The following CACNA2D3 variants were observed in gnomAD, a reference collection of about 807,000 sequenced individuals.
CACNA2D3 encodes the protein voltage-dependent calcium channel subunit alpha-2/delta-3.
Under a neutral mutation model 160.6 loss-of-function variants are expected in CACNA2D3, and 60 were observed. The ratio of observed to expected loss-of-function variants is 0.37; its 90% CI spans 0.30 to 0.46. The LOEUF (loss-of-function observed/expected upper bound fraction) is 0.46. Ranked by LOEUF, CACNA2D3 falls within the 20% of genes least tolerant of loss-of-function variation. The probability of loss-of-function intolerance (pLI) is 1.00; values close to 1 mark genes in which losing one functional copy is unlikely to be tolerated. For synonymous variants in CACNA2D3, 558 were observed against 492.9 expected (o/e 1.13, Z -1.75); for missense variants, 1,205 against 1,365.0 (o/e 0.88, Z 1.85).
Position 54,493,225 on chromosome 3 carries a change from A to C in CACNA2D3, c.382-10267A>C, listed in dbSNP as rs1701145081. On this transcript the variant is annotated intron_variant, in intron 4 of 37. Coordinates refer to ENST00000474759, the MANE Select transcript of CACNA2D3 (RefSeq NM_018398.3). ...CCCGCATAGCTGGGACTACAGGCGCACACTACCACACCCGGCTAATTTTTG... is the reference window on the plus strand; with the variant it reads ...CCCGCATAGCTGGGACTACAGGCGCCCACTACCACACCCGGCTAATTTTTG... Among the ~76,000 whole-genome samples the C allele has an allele frequency of 3.3e-5, 5 of 151,728 alleles. No homozygotes were observed. In the South Asian group the frequency reaches 1.0e-3, roughly 32 times the overall value.
intron 11 of CACNA2D3, among the ~76,000 whole-genome samples, chr3:54,649,567 G>C (rs1699719314): frequency 2.0e-5 from 3 of 152,216 alleles, no homozygotes; most frequent in Admixed American, 2.0e-4. Context: ...TGCCAGCATG[G>C]TACAGTTCTT....
intron 4 of CACNA2D3, among the ~76,000 whole-genome samples, chr3:54,401,572 C>T (rs1699465531): frequency 6.6e-6 from 1 of 152,046 alleles, no homozygotes; most frequent in African/African-American, 2.4e-5. Flanking sequence ...AGAAACGTTG[C>T]AAGCCAGGAG....
At chr3:54,974,274 T>C (rs999759002) in intron 29 of CACNA2D3, among the ~76,000 whole-genome samples, 1 of 152,226 alleles carries the variant, frequency 6.6e-6, no homozygotes, top group Non-Finnish European at 1.5e-5. Flanking sequence ...TACTATGCAC[T>C]AGGTACTATG....
At position 54,149,883 on chromosome 3, in the gene CACNA2D3, GTCTCTCTCTCTCTCTCTC is replaced by G. The variant is rs554851240; in HGVS notation, c.204+26320_204+26337del. Among the ~76,000 whole-genome samples the G allele has an allele frequency of 1.4e-3, 87 of 60,756 alleles. 1 individual carries two copies. Among genetic ancestry groups the G allele is most frequent in the African/African-American group, 5.6e-3 (76 of 13,660 alleles). 39.9% of individuals were successfully genotyped at this position (60,756 alleles called of 152,430 possible). A position where few individuals can be genotyped will look rare whatever the true frequency, so the allele number is the denominator to read the frequency against. On this transcript the variant is annotated intron_variant, in intron 2 of 37. Transcript: ENST00000474759. ...CAGAGAGGGCTGTCCTGAAGTATCT[GTCTCTCTCTCTCTCTCTC>G]TCTCTCTCTCTCTCTCTCTCTCTCT...
intron 4 of CACNA2D3, among the ~76,000 whole-genome samples, chr3:54,471,291 C>T (rs1700727350): frequency 6.6e-6 from 1 of 152,172 alleles, no homozygotes; most frequent in African/African-American, 2.4e-5. Flanking sequence ...TAACCTGCTC[C>T]TGAATGACTA....
intron 2 of CACNA2D3, among the ~76,000 whole-genome samples, chr3:54,174,222 TC>T (rs1254394762): frequency 6.6e-6 from 1 of 152,186 alleles, no homozygotes; most frequent in African/African-American, 2.4e-5. Context: ...AGTTTGCTGA[TC>T]CCTGCTGTAG....
intron 10 of CACNA2D3, 80 bp downstream of exon 10, chr3:54,627,956 G>A: frequency 1.0e-6 from 1 of 981,096 alleles, no homozygotes; most frequent in South Asian, 1.4e-5. Context: ...GGCCAGGCTG[G>A]GCGCTGTGGT....
chr3:54,650,201 T>TTTGTTTGTTTG (rs1553767682), intron 11 of CACNA2D3, among the ~76,000 whole-genome samples: 1 of 151,068 alleles, frequency 6.6e-6, no homozygotes, highest in African/African-American at 2.4e-5. Context: ...TGTTTTTTGT[T>TTTGTTTGTTTG]TTTGTTTGTT....
At chr3:54,468,585 C>G (rs965640276) in intron 4 of CACNA2D3, among the ~76,000 whole-genome samples, 1 of 152,136 alleles carries the variant, frequency 6.6e-6, no homozygotes. Flanking sequence ...AGAACCGTTT[C>G]CCCCCTCTGG....
At chr3:54,685,063 A>G (rs1190473042) in intron 11 of CACNA2D3, among the ~76,000 whole-genome samples, 1 of 152,192 alleles carries the variant, frequency 6.6e-6, no homozygotes, top group South Asian at 2.1e-4. Flanking sequence ...GGCAGCTGAG[A>G]CAAATATGGA....
intron 2 of CACNA2D3, among the ~76,000 whole-genome samples, chr3:54,208,480 T>A (rs1307096086): frequency 2.0e-5 from 3 of 152,200 alleles, no homozygotes; most frequent in African/African-American, 7.2e-5. Flanking sequence ...AGCCCTGGGC[T>A]GGAAGGCACT....
At position 54,122,620 on chromosome 3, in the gene CACNA2D3, G is replaced by C. The variant is rs1188011091; in HGVS notation, c.-94G>C. 2.4e-6 allele frequency: 2 copies of C among 829,722 alleles called. No individual in the cohort carries two copies. The highest frequency in any genetic ancestry group is 1.9e-5 in the African/African-American group (1 of 51,820). 51.4% of individuals were successfully genotyped at this position (829,722 alleles called of 1,614,324 possible). On this transcript the variant is annotated 5_prime_UTR_variant, in exon 1 of 38. Transcript: ENST00000474759. ...AGGCGGGGCGGCGCGGAGCGGAGCA[G>C]GCAGCCCCGCGCGCTCGCCCACCGC...
chr3:54,131,528 A>T (rs993577027), intron 2 of CACNA2D3, among the ~76,000 whole-genome samples: 3 of 152,232 alleles, frequency 2.0e-5, no homozygotes, highest in African/African-American at 7.2e-5. Context: ...CCCCTTGGGC[A>T]GCATTTCAGT....
chr3:54,577,629 T>C (rs1234507021), intron 8 of CACNA2D3, among the ~76,000 whole-genome samples: 1 of 131,412 alleles, frequency 7.6e-6, no homozygotes, highest in African/African-American at 2.5e-5. Context: ...CACTCACATA[T>C]ATATTTTCTT....
intron 2 of CACNA2D3, among the ~76,000 whole-genome samples, chr3:54,178,372 T>C (rs1700714863): frequency 6.6e-6 from 1 of 152,150 alleles, no homozygotes; most frequent in African/African-American, 2.4e-5. Flanking sequence ...GATAATCAGG[T>C]ATTGATTGCC....
At chr3:54,895,528 T>G (rs1700169072) in intron 25 of CACNA2D3, among the ~76,000 whole-genome samples, 1 of 152,184 alleles carries the variant, frequency 6.6e-6, no homozygotes, top group South Asian at 2.1e-4. Context: ...CTGAATGCTT[T>G]CCTGAACTGG....
At chr3:54,248,830 G>A (rs533506364) in intron 2 of CACNA2D3, among the ~76,000 whole-genome samples, 43 of 152,348 alleles carry the variant, frequency 2.8e-4, no homozygotes, top group African/African-American at 9.6e-4. Flanking sequence ...ACTATGACTA[G>A]TTGAGGTGCT....
intron 4 of CACNA2D3, among the ~76,000 whole-genome samples, chr3:54,474,729 G>C (rs1413683162): frequency 1.3e-5 from 2 of 151,956 alleles, no homozygotes; most frequent in African/African-American, 4.8e-5. Context: ...GAAGGAGGCT[G>C]GTCTAGGTCC....
intron 4 of CACNA2D3, among the ~76,000 whole-genome samples, chr3:54,461,387 C>A (rs1448446400): frequency 6.6e-6 from 1 of 151,258 alleles, no homozygotes; most frequent in Non-Finnish European, 1.5e-5. Context: ...TAGAATTCGG[C>A]TGTGAATCCA....
Sources: allele counts gnomAD v4.1 joint callset (sites outside exome capture counted in the v4.1 genomes callset), GRCh38; gene constraint gnomAD v4.1.1; transcripts MANE v1.5; gene names NCBI Gene and HGNC (gene_info 2026-07-23, HGNC 2026-07-21).